Variants in FHIT observed in about 807,000 individuals in gnomAD.
The protein encoded by FHIT is fragile histidine triad diadenosine triphosphatase.
FHIT carries 19 observed loss-of-function variants against 17.9 expected under a neutral mutation model. That is an observed-to-expected ratio of 1.06 (90% CI 0.74 to 1.56). The LOEUF is 1.56. FHIT is among the 40% of genes most tolerant of loss of function. The pLI, the probability that FHIT is intolerant of heterozygous loss-of-function variation, is 0.00. For synonymous variants in FHIT, 81 were observed against 69.7 expected, an observed-to-expected ratio of 1.16 and a Z score of -0.81; for missense variants, 248 against 189.2, an observed-to-expected ratio of 1.31 and a Z score of -1.82.
In FHIT at chr3:60,086,587, C is replaced by T. The variant is rs1303509769; in HGVS notation, c.104-72435G>A. ...AATGGTTTCATGGGCACTGGGTAAA[C>T]AGTCCCATTCCAAAAGGGAGAAATT... is the stretch of plus-strand genomic sequence containing the variant. On this transcript the variant is annotated intron_variant, in intron 5 of 9. Transcript: ENST00000492590. Among the ~76,000 whole-genome samples, 5 of 152,176 alleles carry T rather than the reference C, an allele frequency of 3.3e-5. No individual in the cohort carries two copies. The East Asian group carries it at 9.6e-4, about 29-fold the overall frequency.
intron 5 of FHIT, among the ~76,000 whole-genome samples, chr3:60,471,249 G>A (rs999473577): frequency 1.3e-5 from 2 of 152,140 alleles, no homozygotes; most frequent in Non-Finnish European, 2.9e-5. Context: ...TGTACCCCAG[G>A]TCCACTGGTT....
intron 5 of FHIT, among the ~76,000 whole-genome samples, chr3:60,113,204 C>T (rs1704757578): frequency 1.3e-5 from 2 of 152,164 alleles, no homozygotes; most frequent in African/African-American, 2.4e-5. Context: ...CCTACTAAGA[C>T]GCAAGCTCTG....
intron 8 of FHIT, among the ~76,000 whole-genome samples, chr3:59,821,156 C>G (rs1700772945): frequency 6.6e-6 from 1 of 151,782 alleles, no homozygotes; most frequent in Non-Finnish European, 1.5e-5. Context: ...GCAGACCAGA[C>G]CAAAGAGGGA....
intron 5 of FHIT, among the ~76,000 whole-genome samples, chr3:60,305,835 G>T (rs1468194760): frequency 6.6e-6 from 1 of 152,068 alleles, no homozygotes. Context: ...ATTTTAAACT[G>T]ATGTGCTATT....
At chr3:60,626,805 C>CTTTTTTT (rs34696094) in intron 4 of FHIT, among the ~76,000 whole-genome samples, 2 of 136,122 alleles carry the variant, frequency 1.5e-5, no homozygotes, top group Admixed American at 7.3e-5. Context: ...TTTTTTTTTA[C>CTTTTTTT]GTTAAGTATG....
In FHIT at chr3:59,911,682, T is replaced by G. The variant is rs752674125; in HGVS notation, c.348+10664A>C. 9.5e-4 allele frequency among the ~76,000 whole-genome samples: 145 copies of G among 152,204 alleles called. 5 individuals are homozygous for G. Among genetic ancestry groups the G allele is most frequent in the Non-Finnish European group, 2.8e-4 (19 of 68,048 alleles). On this transcript the variant is annotated intron_variant, in intron 8 of 9. Transcript: ENST00000492590. ...TGGCATCTCAGGAAGGACAACAATT[T>G]GAACTACTATTGTAATAACTGAGGT...
At chr3:60,084,983 G>A (rs34603508) in intron 5 of FHIT, among the ~76,000 whole-genome samples, 11,951 of 152,070 alleles carry the variant, frequency 0.079, 563 homozygotes, top group Non-Finnish European at 0.096. Flanking sequence ...CTATATGTTG[G>A]AGGCACTGTC....
At chr3:61,049,030 A>T (rs2033924872) in intron 2 of FHIT, among the ~76,000 whole-genome samples, 1 of 152,016 alleles carries the variant, frequency 6.6e-6, no homozygotes, top group South Asian at 2.1e-4. Flanking sequence ...ATGCTAAATG[A>T]TGAGTTAATG....
intron 4 of FHIT, among the ~76,000 whole-genome samples, chr3:60,625,084 T>A (rs147257834): frequency 3.2e-4 from 48 of 152,242 alleles, no homozygotes; most frequent in African/African-American, 1.1e-3. Flanking sequence ...AATTTTTGTA[T>A]TTTTTGTAGA....
intron 5 of FHIT, among the ~76,000 whole-genome samples, chr3:60,014,764 T>G (rs936438984): frequency 6.6e-6 from 1 of 150,992 alleles, no homozygotes; most frequent in African/African-American, 2.4e-5. Flanking sequence ...TCAGACTAAT[T>G]TTTTTTTTAG....
intron 4 of FHIT, among the ~76,000 whole-genome samples, chr3:60,544,434 G>T (rs2036293871): frequency 6.6e-6 from 1 of 151,812 alleles, no homozygotes; most frequent in Non-Finnish European, 1.5e-5. Context: ...CCATTAATGT[G>T]GCAAACTACA....
At chr3:60,933,541 T>A (rs372860021) in intron 3 of FHIT, among the ~76,000 whole-genome samples, 1 of 152,222 alleles carries the variant, frequency 6.6e-6, no homozygotes, top group Non-Finnish European at 1.5e-5. Flanking sequence ...GACTACCAGA[T>A]TGGACAGCTC....
At chr3:60,183,998 G>T (rs1401123535) in intron 5 of FHIT, among the ~76,000 whole-genome samples, 5 of 146,460 alleles carry the variant, frequency 3.4e-5, no homozygotes, top group African/African-American at 5.0e-5. Context: ...TTTATTTTTC[G>T]TTTTTTTTTT....
intron 3 of FHIT, among the ~76,000 whole-genome samples, chr3:60,903,520 A>C (rs1553763763): frequency 6.6e-6 from 1 of 152,226 alleles, no homozygotes; most frequent in African/African-American, 2.4e-5. Flanking sequence ...CATGAAGCAA[A>C]CACTTTGGAA....
intron 2 of FHIT, among the ~76,000 whole-genome samples, chr3:61,090,309 T>A (rs1456216255): frequency 2.0e-5 from 3 of 152,186 alleles, no homozygotes; most frequent in Non-Finnish European, 4.4e-5. Flanking sequence ...CAAGAACCCA[T>A]GTTTATGACC....
chr3:61,037,878 T>C (rs1002502742), intron 3 of FHIT, among the ~76,000 whole-genome samples: 2 of 152,204 alleles, frequency 1.3e-5, no homozygotes, highest in Non-Finnish European at 2.9e-5. Flanking sequence ...TCTCACATAT[T>C]CTATTATAGC....
chr3:60,008,003 T>G (rs202225725), intron 7 of FHIT, among the ~76,000 whole-genome samples: 3 of 152,120 alleles, frequency 2.0e-5, no homozygotes, highest in Non-Finnish European at 2.9e-5. Context: ...CTAGCATATT[T>G]TGGGGGTAGC....
chr3:61,156,357 T>A (rs138589027), intron 2 of FHIT, among the ~76,000 whole-genome samples: 2 of 152,268 alleles, frequency 1.3e-5, no homozygotes, highest in East Asian at 3.9e-4. Flanking sequence ...ACAGAAACAT[T>A]GGTGACCTTG....
chr3:60,391,852 A>T (rs1401822516), intron 5 of FHIT, among the ~76,000 whole-genome samples: 1 of 152,106 alleles, frequency 6.6e-6, no homozygotes, highest in Non-Finnish European at 1.5e-5. Flanking sequence ...CTGATAATGC[A>T]TTATTATATG....
Sources: allele counts gnomAD v4.1 joint callset (sites outside exome capture counted in the v4.1 genomes callset), GRCh38; gene constraint gnomAD v4.1.1; transcripts MANE v1.5; gene names NCBI Gene and HGNC (gene_info 2026-07-23, HGNC 2026-07-21).